Variants in PCDHGA9 observed in about 807,000 individuals in gnomAD.
The protein encoded by PCDHGA9 is protocadherin gamma subfamily A, 9.
In PCDHGA9, 37 loss-of-function variants were observed where a neutral mutation model predicts 62.5. The ratio of observed to expected loss-of-function variants is 0.59; its 90% CI spans 0.46 to 0.78. The LOEUF is 0.78. Among genes scored for constraint, PCDHGA9 ranks in the 30% least tolerant of loss-of-function variants. The pLI is 0.00. For missense variants in PCDHGA9, 1,138 were observed against 1,166.2 expected (o/e 0.98, Z 0.35); for synonymous variants, 459 against 484.6 (o/e 0.95, Z 0.69).
chr5:141,431,648 A>G lies in PCDHGA9; in HGVS notation c.2424+26272A>G. 2 of 1,614,240 alleles carry G rather than the reference A, an allele frequency of 1.2e-6. No individual in the cohort carries two copies. The highest frequency in any genetic ancestry group is 1.7e-6 in the Non-Finnish European group (2 of 1,180,046). On this transcript the variant is annotated intron_variant, in intron 1 of 3. Transcript: ENST00000573521. The surrounding 1 kb of genome is among the most constrained non-coding windows in gnomAD (Gnocchi z 4.8). ...GGCCCAAGTTTTCAAACTAGATTGT[A>G]ATTCAGGGACAATATCAACAATAGG...
At position 141,477,781 on chromosome 5, in the gene PCDHGA9, A is replaced by G; in HGVS notation, c.2425-17026A>G. 6.2e-7 allele frequency: 1 copy of G among 1,614,036 alleles called. No homozygotes were observed. Among genetic ancestry groups the G allele is most frequent in the South Asian group, 1.1e-5 (1 of 91,090 alleles). Reference sequence around the variant, plus strand: ...TAGCCACCAACATCAGCGTGAACATATTTGTCACTGATCGCAATGACAATG... The same window carrying G: ...TAGCCACCAACATCAGCGTGAACATGTTTGTCACTGATCGCAATGACAATG... On this transcript the variant is annotated intron_variant, in intron 1 of 3. Coordinates refer to ENST00000573521, the MANE Select transcript of PCDHGA9 (RefSeq NM_018921.3). The surrounding 1 kb of genome is among the most constrained non-coding windows in gnomAD (Gnocchi z 4.9).
intron 1 of PCDHGA9, among the ~76,000 whole-genome samples, chr5:141,442,633 C>A (rs1210890820): frequency 6.6e-6 from 1 of 152,158 alleles, no homozygotes; most frequent in Admixed American, 6.5e-5. Flanking sequence ...AGCAGCAAGA[C>A]CAAAGGCCTA....
At chr5:141,407,114 T>C (rs1309229793) in intron 1 of PCDHGA9, among the ~76,000 whole-genome samples, 1 of 152,228 alleles carries the variant, frequency 6.6e-6, no homozygotes, top group Non-Finnish European at 1.5e-5. Flanking sequence ...ATTATTTGGG[T>C]TTCAGTTGCT....
In PCDHGA9 at chr5:141,477,681, T is replaced by G; in HGVS notation, c.2425-17126T>G. On this transcript the variant is annotated intron_variant, in intron 1 of 3. Transcript: ENST00000573521. This position sits in a 1 kb window ranked among gnomAD's most constrained non-coding sequence, Gnocchi z 4.9. ...CGTGACAATGGCATAGTGTCATCCT[T>G]AGTGCCCCTAGACTATGAGGATCGG... 1 of 1,614,180 alleles carries G rather than the reference T, an allele frequency of 6.2e-7. No individual in the cohort carries two copies. Among genetic ancestry groups the G allele is most frequent in the Non-Finnish European group, 8.5e-7 (1 of 1,180,046 alleles).
At chr5:141,448,331 A>T (rs2098582637) in intron 1 of PCDHGA9, among the ~76,000 whole-genome samples, 1 of 152,146 alleles carries the variant, frequency 6.6e-6, no homozygotes, top group Non-Finnish European at 1.5e-5. Flanking sequence ...GAATCTTTAT[A>T]GCCATGTACC....
At position 141,403,891 on chromosome 5, in the gene PCDHGA9, AT is replaced by A. The variant is rs757338627; in HGVS notation, c.943del (p.Tyr315MetfsTer13). The A allele has an allele frequency of 3.1e-6, 5 of 1,613,870 alleles. No individual in the cohort carries two copies. In the Admixed American group the frequency reaches 6.7e-5, roughly 22 times the overall value. On this transcript the variant is annotated frameshift_variant, in exon 1 of 4. Transcript: ENST00000573521. LOFTEE classifies it high-confidence loss of function. Reference sequence around the variant, plus strand: ...AAAGTCTAGATTATGAAGAATGTTCATTTTATGAAATGGAAATACAAGCTGA... The same window carrying A: ...AAAGTCTAGATTATGAAGAATGTTCATTTATGAAATGGAAATACAAGCTGA... ...AKSLDYEECS[F>X]YEMEIQAEDG...
At chr5:141,502,499 C>A (rs552402476) in intron 2 of PCDHGA9, among the ~76,000 whole-genome samples, 12 of 152,122 alleles carry the variant, frequency 7.9e-5, no homozygotes, top group Non-Finnish European at 2.9e-5. Flanking sequence ...CATCTAACGT[C>A]GGCCTGTCCC....
At chr5:141,483,584 T>C (rs2099583159) in intron 1 of PCDHGA9, among the ~76,000 whole-genome samples, 1 of 152,064 alleles carries the variant, frequency 6.6e-6, no homozygotes, top group African/African-American at 2.4e-5. Context: ...CATAAACACC[T>C]AATAGGTCAG....
intron 1 of PCDHGA9, chr5:141,409,728 C>T: frequency 6.2e-7 from 1 of 1,613,134 alleles, no homozygotes; most frequent in Non-Finnish European, 8.5e-7. Flanking sequence ...TCAGTGAGCG[C>T]GCAGAGCGGG....
At chr5:141,415,879 T>C (rs1002596454) in intron 1 of PCDHGA9, 1 of 1,003,176 alleles carries the variant, frequency 1.0e-6, no homozygotes, top group African/African-American at 1.7e-5. Context: ...TTGAGTACAA[T>C]ATTGACAATT....
chr5:141,422,106 C>G (rs763336868), intron 1 of PCDHGA9: 1 of 1,607,266 alleles, frequency 6.2e-7, no homozygotes, highest in Admixed American at 1.7e-5. Flanking sequence ...CTGAAATATT[C>G]CAATTGGATT....
intron 1 of PCDHGA9, chr5:141,422,092 G>T: frequency 6.2e-7 from 1 of 1,611,520 alleles, no homozygotes; most frequent in Non-Finnish European, 8.5e-7. Context: ...GGAAAGCAAG[G>T]CTTCTGAAAT....
chr5:141,484,277 G>T (rs1026083889), intron 1 of PCDHGA9, among the ~76,000 whole-genome samples: 1 of 152,126 alleles, frequency 6.6e-6, no homozygotes, highest in South Asian at 2.1e-4. Context: ...TTACTGTTTT[G>T]AAACATCTCC....
At chr5:141,457,933 TATTGGC>T (rs2098933012) in intron 1 of PCDHGA9, among the ~76,000 whole-genome samples, 2 of 152,206 alleles carry the variant, frequency 1.3e-5, no homozygotes, top group Non-Finnish European at 2.9e-5. Context: ...AAGGGGCTTT[TATTGGC>T]TCTGCATGTC....
intron 1 of PCDHGA9, among the ~76,000 whole-genome samples, chr5:141,430,380 TG>T (rs1376875091): frequency 6.8e-6 from 1 of 147,890 alleles, no homozygotes; most frequent in Non-Finnish European, 1.5e-5. Flanking sequence ...AAAAGCTCAT[TG>T]GGAAAAAAAA....
intron 1 of PCDHGA9, among the ~76,000 whole-genome samples, chr5:141,462,763 G>A (rs935087747): frequency 2.6e-5 from 4 of 152,036 alleles, no homozygotes; most frequent in Non-Finnish European, 4.4e-5. Context: ...TTTTCTTCCT[G>A]GCTTGGGGTC....
Position 141,477,403 on chromosome 5 carries a change from C to T in PCDHGA9, c.2425-17404C>T, listed in dbSNP as rs1329599078. 2 of 1,614,164 alleles carry T rather than the reference C, an allele frequency of 1.2e-6. No individual in the cohort carries two copies. Among genetic ancestry groups the T allele is most frequent in the Non-Finnish European group, 1.7e-6 (2 of 1,180,042 alleles). ...CAGAATACAACCTCAGCATCACCGC[C>T]CGAGACGCCGGAACCCCTTCCCTCT... is the stretch of plus-strand genomic sequence containing the variant. On this transcript the variant is annotated intron_variant, in intron 1 of 3. Transcript: ENST00000573521. The surrounding 1 kb of genome is among the most constrained non-coding windows in gnomAD (Gnocchi z 4.9).
At chr5:141,460,961 ATGTGTG>A (rs35821115) in intron 1 of PCDHGA9, among the ~76,000 whole-genome samples, 6 of 144,616 alleles carry the variant, frequency 4.1e-5, no homozygotes, top group South Asian at 4.4e-4. Flanking sequence ...GTATATATAT[ATGTGTG>A]TGTGTGTGTG....
intron 1 of PCDHGA9, among the ~76,000 whole-genome samples, chr5:141,445,011 T>C (rs970882082): frequency 1.3e-5 from 2 of 152,196 alleles, no homozygotes; most frequent in Non-Finnish European, 2.9e-5. Flanking sequence ...AATTAGGTCT[T>C]TAATTTCTCT....
Sources: gnomAD v4.1 joint callset for allele counts (sites outside exome capture counted in the v4.1 genomes callset) on GRCh38, gnomAD v4.1.1 for gene constraint, Gnocchi (gnomAD v3.1) non-coding constraint, MANE v1.5 for transcripts, NCBI Gene and HGNC (gene_info 2026-07-23, HGNC 2026-07-21) for gene names.